Variants in IL3RA observed in about 807,000 individuals in gnomAD.
The protein encoded by IL3RA is interleukin 3 receptor subunit alpha.
A neutral mutation model predicts 52.3 loss-of-function variants in IL3RA; 73 were observed. The ratio of observed to expected loss-of-function variants is 1.40; its 90% CI spans 1.16 to 1.70. The LOEUF (loss-of-function observed/expected upper bound fraction) is 1.70. IL3RA is among the 40% of genes most tolerant of loss of function. The pLI is 0.00. For synonymous variants in IL3RA, 260 were observed against 194.0 expected (o/e 1.34, Z -2.83); for missense variants, 664 against 504.4 (o/e 1.32, Z -3.03).
intron 10 of IL3RA, among the ~76,000 whole-genome samples, chrX:1,380,753 C>T (rs1382394721): frequency 6.6e-6 from 1 of 151,264 alleles, no homozygotes; most frequent in East Asian, 2.0e-4. Context: ...AACTCAGTGA[C>T]CTGAGGCACC....
chrX:1,362,760 G>A (rs1388725835), intron 8 of IL3RA, among the ~76,000 whole-genome samples: 3 of 144,058 alleles, frequency 2.1e-5, no homozygotes, highest in Admixed American at 7.1e-5. Flanking sequence ...CTCTGCATCC[G>A]TGTCTCCTTT....
rs769333995 is a variant in IL3RA, at chrX:1,378,811, C to T, written c.980+47C>T. On this transcript the variant is annotated intron_variant, in intron 10 of 11. Transcript: ENST00000331035. ...CGAGCGTCGCTTGTTTCCAGTGTGA[C>T]CCTGAAAGTTATTCACAGAACCATC... The T allele has an allele frequency of 2.0e-6, 3 of 1,492,762 alleles. No homozygotes were observed. In the East Asian group the frequency reaches 6.8e-5, roughly 34 times the overall value. 92.5% of individuals were successfully genotyped at this position (1,492,762 alleles called of 1,614,324 possible).
At chrX:1,359,143 G>C (rs1165273486) in intron 8 of IL3RA, among the ~76,000 whole-genome samples, 1 of 151,972 alleles carries the variant, frequency 6.6e-6, no homozygotes, top group African/African-American at 2.4e-5. Flanking sequence ...GAAGAGTCAG[G>C]GATGACACCT....
At chrX:1,356,462 A>G in intron 7 of IL3RA, 126 bp downstream of exon 7, 4 of 649,154 alleles carry the variant, frequency 6.2e-6, no homozygotes, top group East Asian at 2.7e-5. Context: ...GGCATGGATC[A>G]TTAAAAAACA....
At position 1,357,658 on chromosome X, in the gene IL3RA, C is replaced by T. The variant is rs185304305; in HGVS notation, c.733-1203C>T. ...ATTACAGGCGTGAGGCACTGTGCCC[C>T]GCCATATATTTATTATTTATGCTCA... On this transcript the variant is annotated intron_variant, in intron 7 of 11. Coordinates refer to ENST00000331035, the MANE Select transcript of IL3RA (RefSeq NM_002183.4). Among the ~76,000 whole-genome samples the T allele has an allele frequency of 8.0e-3, 1,209 of 151,816 alleles. 20 individuals carry two copies. The highest frequency in any genetic ancestry group is 0.027 in the African/African-American group (1,123 of 41,402).
At chrX:1,366,595 C>CCG (rs1189384114) in intron 9 of IL3RA, among the ~76,000 whole-genome samples, 2 of 19,242 alleles carry the variant, frequency 1.0e-4, no homozygotes, top group African/African-American at 7.2e-4. Context: ...GCGGGGTGCG[C>CCG]GGTGCGCGGG....
At chrX:1,348,788 C>T (rs2085938278) in intron 4 of IL3RA, among the ~76,000 whole-genome samples, 1 of 142,764 alleles carries the variant, frequency 7.0e-6, no homozygotes, top group African/African-American at 2.6e-5. Flanking sequence ...CCCTCCCTCC[C>T]TTCTTTCTTT....
chrX:1,355,523 C>G (rs1294818185), intron 6 of IL3RA, among the ~76,000 whole-genome samples: 1 of 149,934 alleles, frequency 6.7e-6, no homozygotes, highest in African/African-American at 2.5e-5. Context: ...CAGGGGAGAC[C>G]CAGCCAGGCA....
At chrX:1,381,000 G>C in intron 10 of IL3RA, 23 bp from the exon 11 acceptor site, 1 of 1,606,740 alleles carries the variant, frequency 6.2e-7, no homozygotes, top group Non-Finnish European at 8.5e-7. Context: ...GTTCAGAGCT[G>C]GGCCATTTCT....
intron 6 of IL3RA, among the ~76,000 whole-genome samples, chrX:1,355,384 AAAAGG>A (rs1243316512): frequency 5.0e-5 from 6 of 119,152 alleles, no homozygotes; most frequent in African/African-American, 2.0e-4. Context: ...GAGTGGTAGA[AAAAGG>A]AGAGAGAGGA....
At chrX:1,356,190 T>G in intron 6 of IL3RA, 31 bp from the exon 7 acceptor site, 5 of 1,096,426 alleles carry the variant, frequency 4.6e-6, no homozygotes, top group Non-Finnish European at 6.5e-6. Context: ...CTTGTACTCC[T>G]AAATCCTAAA....
chrX:1,351,730 G>GAAAT (rs2086094054), intron 4 of IL3RA, among the ~76,000 whole-genome samples: 1 of 150,644 alleles, frequency 6.6e-6, no homozygotes, highest in South Asian at 2.1e-4. Flanking sequence ...CTGGGTTCAA[G>GAAAT]AAATTCTCCT....
At position 1,364,832 on chromosome X, in the gene IL3RA, A is replaced by G. The variant is rs780875622; in HGVS notation, c.760-306A>G. ...TTTATTTATTTATTTATTTAGAGAC[A>G]GAGTCTCACTCTGTTGCCCAGGCTG... is the stretch of plus-strand genomic sequence containing the variant. On this transcript the variant is annotated intron_variant, in intron 8 of 11. Transcript: ENST00000331035. Among the ~76,000 whole-genome samples the G allele has an allele frequency of 5.9e-4, 86 of 146,630 alleles. 1 individual carries two copies. The East Asian group carries it at 0.016, about 27-fold the overall frequency.
intron 3 of IL3RA, 70 bp from the exon 4 acceptor site, chrX:1,348,361 A>T (rs1477637891): frequency 1.6e-6 from 2 of 1,264,024 alleles, no homozygotes; most frequent in East Asian, 4.6e-5. Flanking sequence ...CTCAAAAAAA[A>T]TCTGAACATC....
At chrX:1,340,658 A>T (rs1285482802) in intron 1 of IL3RA, among the ~76,000 whole-genome samples, 2 of 152,206 alleles carry the variant, frequency 1.3e-5, no homozygotes, top group Non-Finnish European at 2.9e-5. Context: ...TATGCATTCA[A>T]ACACAAAGAC....
chrX:1,351,998 C>G, intron 4 of IL3RA, 102 bp from the exon 5 acceptor site: 1 of 1,434,266 alleles, frequency 7.0e-7, no homozygotes, highest in Non-Finnish European at 9.5e-7. Flanking sequence ...CTCCTGACCT[C>G]ATGTGATCCA....
intron 8 of IL3RA, among the ~76,000 whole-genome samples, chrX:1,360,173 ATCTT>A (rs1287604647): frequency 1.6e-5 from 1 of 63,596 alleles, no homozygotes; most frequent in Non-Finnish European, 3.2e-5. Flanking sequence ...CCCTCCCTCC[ATCTT>A]TCTCTCTCTC....
intron 8 of IL3RA, among the ~76,000 whole-genome samples, chrX:1,361,041 CTCTG>C (rs1267744264): frequency 2.6e-5 from 3 of 113,946 alleles, no homozygotes; most frequent in African/African-American, 5.0e-5. Flanking sequence ...CCCTTCCCCT[CTCTG>C]TCTCTCTCTC....
chrX:1,352,476 A>G lies in IL3RA; in HGVS notation c.586A>G (p.Thr196Ala), dbSNP rs779492807. The G allele has an allele frequency of 1.9e-6, 3 of 1,613,718 alleles. No homozygotes were observed. Among genetic ancestry groups the G allele is most frequent in the Middle Eastern group, 1.7e-4 (1 of 6,018 alleles). The change falls in exon 6 of 12, where the codon ACA (threonine) becomes GCA (alanine). Residue 196 changes from threonine (T) to alanine (A), a missense_variant. By Grantham distance (58) the Thr-to-Ala change is moderately conservative. Transcript: ENST00000331035. ...GRSAAFGIPC[T>A]DKFVVFSQIE... ...GAGCGCAGCCTTCGGTATCCCCTGC[A>G]CAGATAAGTTTGTCGTCTTTTCACA...
Sources: allele counts gnomAD v4.1 joint callset (sites outside exome capture counted in the v4.1 genomes callset), GRCh38; gene constraint gnomAD v4.1.1; transcripts MANE v1.5; gene names NCBI Gene and HGNC (gene_info 2026-07-23, HGNC 2026-07-21).